Variants in STK32B observed in about 807,000 individuals in gnomAD.
STK32B encodes serine/threonine-protein kinase 32B.
STK32B carries 43 observed loss-of-function variants against 52.6 expected under a neutral mutation model. The observed-to-expected ratio is 0.82, with a 90% CI of 0.64 to 1.05. The LOEUF is 1.05. STK32B is among the 50% of genes least tolerant of loss of function. The probability of loss-of-function intolerance (pLI) is 0.00; values close to 1 mark genes in which losing one functional copy is unlikely to be tolerated. For synonymous variants in STK32B, 238 were observed against 204.3 expected (o/e 1.17, Z -1.41); for missense variants, 621 against 534.6 (o/e 1.16, Z -1.59).
At chr4:5,483,070 C>T (rs1000175272) in intron 11 of STK32B, among the ~76,000 whole-genome samples, 43 of 151,942 alleles carry the variant, frequency 2.8e-4, no homozygotes, top group Non-Finnish European at 5.1e-4. Flanking sequence ...TGTCTCTTCC[C>T]GGCTTTGGTA....
intron 11 of STK32B, among the ~76,000 whole-genome samples, chr4:5,471,783 A>C (rs890190309): frequency 6.6e-6 from 1 of 152,060 alleles, no homozygotes; most frequent in South Asian, 2.1e-4. Context: ...GTGGGTTCTG[A>C]GTTGAGTCAT....
At chr4:5,219,226 G>T (rs1419034976) in intron 3 of STK32B, among the ~76,000 whole-genome samples, 1 of 152,220 alleles carries the variant, frequency 6.6e-6, no homozygotes. Context: ...AGGGGCCACA[G>T]TCTTGGGGCA....
chr4:5,340,079 A>C lies in STK32B; in HGVS notation c.434+8686A>C, dbSNP rs73794572. Among the ~76,000 whole-genome samples the C allele has an allele frequency of 6.2e-3, 942 of 152,334 alleles. 19 individuals carry two copies. The highest frequency in any genetic ancestry group is 0.015 in the African/African-American group (615 of 41,574). On this transcript the variant is annotated intron_variant, in intron 4 of 11. Coordinates refer to ENST00000282908, the MANE Select transcript of STK32B (RefSeq NM_018401.3). The stretch of plus-strand genomic sequence containing the variant: ...GTCCAAAACAAATTGTTTTAAAGCA[A>C]TTAGAAGATTGACTTTTCATAGCAT...
chr4:5,487,107 G>C (rs1293518337), intron 11 of STK32B, among the ~76,000 whole-genome samples: 1 of 152,192 alleles, frequency 6.6e-6, no homozygotes, highest in Non-Finnish European at 1.5e-5. Context: ...CCATGCTGTA[G>C]TTAGGCTTAA....
chr4:5,271,497 G>A (rs1415140280), intron 3 of STK32B, among the ~76,000 whole-genome samples: 2 of 150,986 alleles, frequency 1.3e-5, no homozygotes, highest in African/African-American at 2.5e-5. Context: ...GCTCTTTTTT[G>A]GTTCCATATG....
At chr4:5,429,143 A>G (rs1022969589) in intron 6 of STK32B, among the ~76,000 whole-genome samples, 2 of 152,204 alleles carry the variant, frequency 1.3e-5, no homozygotes, top group Admixed American at 6.5e-5. Flanking sequence ...ACTCTAGTAC[A>G]TCGCTGATAA....
At chr4:5,194,560 C>A (rs549593508) in intron 3 of STK32B, among the ~76,000 whole-genome samples, 5 of 152,298 alleles carry the variant, frequency 3.3e-5, no homozygotes, top group Non-Finnish European at 7.4e-5. Context: ...AGATGAACTT[C>A]AATGCGTCGA....
intron 3 of STK32B, among the ~76,000 whole-genome samples, chr4:5,192,223 G>A (rs922141918): frequency 4.6e-5 from 7 of 152,154 alleles, no homozygotes; most frequent in African/African-American, 1.7e-4. Context: ...CCTATCACAA[G>A]GGAATGTTGT....
chr4:5,087,998 A>C (rs1239475059), intron 1 of STK32B, among the ~76,000 whole-genome samples: 1 of 152,118 alleles, frequency 6.6e-6, no homozygotes, highest in African/African-American at 2.4e-5. Context: ...TGCACATTCT[A>C]CTTAAGTGCT....
the STK32B span, among the ~76,000 whole-genome samples, chr4:5,034,694 A>G: frequency 6.6e-6 from 1 of 152,174 alleles, no homozygotes; most frequent in Non-Finnish European, 1.5e-5. Flanking sequence ...CTTGAGCGAT[A>G]TATTCAGACA....
At chr4:5,364,870 GTTA>G (rs146257749) in intron 4 of STK32B, among the ~76,000 whole-genome samples, 1 of 148,702 alleles carries the variant, frequency 6.7e-6, no homozygotes, top group Non-Finnish European at 1.5e-5. Context: ...GGAAAAAAAT[GTTA>G]TTATTATTAA....
At chr4:5,140,340 T>C in intron 2 of STK32B, 1 of 1,244,014 alleles carries the variant, frequency 8.0e-7, no homozygotes. Flanking sequence ...GACTATTTTT[T>C]TTGAAAAGGT....
intron 4 of STK32B, among the ~76,000 whole-genome samples, chr4:5,381,625 C>T (rs186860384): frequency 2.0e-5 from 3 of 152,346 alleles, no homozygotes; most frequent in African/African-American, 4.8e-5. Context: ...TTCTTGCCTT[C>T]GCTACCCAGA....
chr4:5,122,916 G>T (rs1251135556), intron 1 of STK32B, among the ~76,000 whole-genome samples: 1 of 152,096 alleles, frequency 6.6e-6, no homozygotes, highest in Non-Finnish European at 1.5e-5. Flanking sequence ...AGCTGTTGGT[G>T]CTCTTCCACC....
intron 3 of STK32B, among the ~76,000 whole-genome samples, chr4:5,303,128 G>A (rs1000891052): frequency 6.7e-6 from 1 of 150,244 alleles, no homozygotes; most frequent in African/African-American, 2.5e-5. Context: ...TGGGAATTAC[G>A]CTGCCGTAAA....
the STK32B span, among the ~76,000 whole-genome samples, chr4:5,046,337 C>G: frequency 1.3e-5 from 2 of 152,232 alleles, no homozygotes; most frequent in East Asian, 3.9e-4. Context: ...AACTGGACTC[C>G]TTCCATATAC....
intron 6 of STK32B, among the ~76,000 whole-genome samples, chr4:5,424,791 G>GT (rs1553887620): frequency 1.5e-4 from 23 of 152,118 alleles, no homozygotes; most frequent in Non-Finnish European, 2.9e-4. Context: ...GCTGAAATAT[G>GT]CCCCCTGCTC....
At chr4:5,316,929 AAT>A (rs1362429417) in intron 3 of STK32B, among the ~76,000 whole-genome samples, 4 of 9,312 alleles carry the variant, frequency 4.3e-4, no homozygotes, top group Admixed American at 2.3e-3. Context: ...TAATATATAT[AAT>A]ATATATAATA....
the STK32B span, among the ~76,000 whole-genome samples, chr4:5,029,024 T>C: frequency 2.0e-5 from 3 of 152,282 alleles, no homozygotes; most frequent in South Asian, 2.1e-4. Context: ...CTCACTATCA[T>C]GATGACAACA....
Sources: allele counts gnomAD v4.1 joint callset (sites outside exome capture counted in the v4.1 genomes callset), GRCh38; gene constraint gnomAD v4.1.1; transcripts MANE v1.5; gene names NCBI Gene and HGNC (gene_info 2026-07-23, HGNC 2026-07-21).